MACROD2: variants seen among roughly 807,000 people sequenced by gnomAD.
MACROD2 encodes mono-ADP ribosylhydrolase 2, also known as ADP-ribose glycohydrolase MACROD2.
MACROD2 carries 36 observed loss-of-function variants against 70.4 expected under a neutral mutation model. That is an observed-to-expected ratio of 0.51 (90% CI 0.39 to 0.68). The LOEUF (loss-of-function observed/expected upper bound fraction) is 0.68, where lower values mean the gene tolerates loss of function less well. Ranked by LOEUF, MACROD2 falls within the 30% of genes least tolerant of loss-of-function variation. The probability of loss-of-function intolerance (pLI) is 0.00; values close to 1 mark genes in which losing one functional copy is unlikely to be tolerated. For missense variants in MACROD2, 496 were observed against 538.4 expected (o/e 0.92, Z 0.78); for synonymous variants, 172 against 178.8 (o/e 0.96, Z 0.30).
chr20:15,327,648 A>G (rs1192620649), intron 6 of MACROD2, among the ~76,000 whole-genome samples: 1 of 151,940 alleles, frequency 6.6e-6, no homozygotes, highest in Non-Finnish European at 1.5e-5. Flanking sequence ...CCCACAACAC[A>G]TGGGGGTTAT....
At chr20:14,806,304 C>T (rs1015828946) in intron 5 of MACROD2, among the ~76,000 whole-genome samples, 7 of 152,020 alleles carry the variant, frequency 4.6e-5, no homozygotes, top group South Asian at 2.1e-4. Flanking sequence ...CCATGGAGGG[C>T]GACCAGAAGC....
intron 3 of MACROD2, among the ~76,000 whole-genome samples, chr20:14,214,620 A>G (rs912435915): frequency 4.2e-5 from 5 of 119,052 alleles, no homozygotes; most frequent in African/African-American, 1.6e-4. Flanking sequence ...TTTTTTTCCC[A>G]TAAGTTATAG....
At chr20:14,763,835 G>A (rs1038255378) in intron 5 of MACROD2, among the ~76,000 whole-genome samples, 1 of 151,958 alleles carries the variant, frequency 6.6e-6, no homozygotes, top group Admixed American at 6.6e-5. Context: ...CCGGACTTGG[G>A]GGAAAGATCA....
intron 10 of MACROD2, among the ~76,000 whole-genome samples, chr20:15,894,950 A>G (rs1026801588): frequency 3.4e-4 from 51 of 152,188 alleles, no homozygotes; most frequent in African/African-American, 1.2e-3. Flanking sequence ...CCATCTCTTA[A>G]GGCCACACTT....
At chr20:14,752,739 A>G (rs899583246) in intron 5 of MACROD2, among the ~76,000 whole-genome samples, 1 of 152,134 alleles carries the variant, frequency 6.6e-6, no homozygotes, top group Non-Finnish European at 1.5e-5. Context: ...TAACCGTATT[A>G]CTTTGCAGTT....
At chr20:14,906,102 A>G (rs1002724234) in intron 5 of MACROD2, 4 of 152,214 alleles carry the variant, frequency 2.6e-5, no homozygotes, top group African/African-American at 9.7e-5. Context: ...TGATGCCTTT[A>G]TAAGAGTAAA....
intron 6 of MACROD2, among the ~76,000 whole-genome samples, chr20:15,245,749 G>A (rs1036025349): frequency 6.6e-6 from 1 of 152,146 alleles, no homozygotes; most frequent in South Asian, 2.1e-4. Flanking sequence ...TAATGTAAGT[G>A]TTCTGAGCAC....
At chr20:15,174,706 T>A (rs1211975703) in intron 5 of MACROD2, among the ~76,000 whole-genome samples, 1 of 152,242 alleles carries the variant, frequency 6.6e-6, no homozygotes, top group African/African-American at 2.4e-5. Context: ...CTAACTGGTG[T>A]GAGATGGTAT....
intron 6 of MACROD2, among the ~76,000 whole-genome samples, chr20:15,389,233 A>G (rs1262448634): frequency 1.3e-5 from 2 of 152,236 alleles, no homozygotes; most frequent in Non-Finnish European, 2.9e-5. Context: ...AATTTCAGAT[A>G]AACAGTGAAT....
chr20:14,135,366 A>ATT (rs2054780862), intron 3 of MACROD2, among the ~76,000 whole-genome samples: 1 of 152,072 alleles, frequency 6.6e-6, no homozygotes, highest in African/African-American at 2.4e-5. Flanking sequence ...AATCAGTGTA[A>ATT]TTAATCATAT....
chr20:15,050,855 T>C (rs2075434368), intron 5 of MACROD2, among the ~76,000 whole-genome samples: 1 of 152,082 alleles, frequency 6.6e-6, no homozygotes, highest in Admixed American at 6.5e-5. Flanking sequence ...TTTATACATA[T>C]ATGTAAATTA....
At chr20:14,116,611 G>T (rs892738964) in intron 3 of MACROD2, among the ~76,000 whole-genome samples, 1 of 152,064 alleles carries the variant, frequency 6.6e-6, no homozygotes, top group Admixed American at 6.5e-5. Context: ...TGTAAATAAA[G>T]TAAGAAGAAA....
chr20:14,297,809 C>G (rs777623716), intron 3 of MACROD2, among the ~76,000 whole-genome samples: 1 of 151,914 alleles, frequency 6.6e-6, no homozygotes, highest in Non-Finnish European at 1.5e-5. Context: ...GATGAGCTAG[C>G]CTTCTATTGG....
At chr20:15,863,660 G>A (rs942482298) in intron 9 of MACROD2, among the ~76,000 whole-genome samples, 36 of 152,256 alleles carry the variant, frequency 2.4e-4, no homozygotes, top group African/African-American at 7.9e-4. Context: ...TTCTGTCTCC[G>A]TCTGAAGTAG....
chr20:15,246,989 C>T (rs1455383175), intron 6 of MACROD2, among the ~76,000 whole-genome samples: 1 of 152,000 alleles, frequency 6.6e-6, no homozygotes, highest in Non-Finnish European at 1.5e-5. Flanking sequence ...ATAGGAAATC[C>T]GTAGATACAG....
At chr20:15,232,051 C>A (rs917328095) in intron 6 of MACROD2, among the ~76,000 whole-genome samples, 1 of 151,800 alleles carries the variant, frequency 6.6e-6, no homozygotes, top group Non-Finnish European at 1.5e-5. Flanking sequence ...AAATATTTTT[C>A]TTTTCTTTCT....
chr20:15,560,086 C>G (rs1472429198), intron 8 of MACROD2, among the ~76,000 whole-genome samples: 1 of 152,166 alleles, frequency 6.6e-6, no homozygotes, highest in Non-Finnish European at 1.5e-5. Flanking sequence ...AGATTTTGAC[C>G]AAAACATATG....
chr20:14,456,968 C>T lies in MACROD2; in HGVS notation c.272-36511C>T, dbSNP rs60812358. Among the ~76,000 whole-genome samples the T allele has an allele frequency of 1.5e-3, 223 of 152,092 alleles. 2 individuals carry two copies. Among genetic ancestry groups the T allele is most frequent in the African/African-American group, 4.9e-3 (204 of 41,414 alleles). ...TCCTGACCTCGTGATCCGCCCGCCT[C>T]GGCCTCCTGGTTTCCGTTGGACTTT... On this transcript the variant is annotated intron_variant, in intron 3 of 17. Coordinates refer to ENST00000684519, the MANE Select transcript of MACROD2 (RefSeq NM_001351661.2).
At chr20:15,790,562 T>C (rs76517032) in intron 8 of MACROD2, among the ~76,000 whole-genome samples, 1 of 151,952 alleles carries the variant, frequency 6.6e-6, no homozygotes, top group East Asian at 1.9e-4. Flanking sequence ...AGGGTTCTTA[T>C]GTGATTTATG....
Sources: gnomAD v4.1 joint callset for allele counts (sites outside exome capture counted in the v4.1 genomes callset) on GRCh38, gnomAD v4.1.1 for gene constraint, MANE v1.5 for transcripts, NCBI Gene and HGNC (gene_info 2026-07-23, HGNC 2026-07-21) for gene names.